IGF2BP2: variants seen among roughly 807,000 people sequenced by gnomAD.
IGF2BP2 encodes insulin like growth factor 2 mRNA binding protein 2.
In IGF2BP2, 17 loss-of-function variants were observed where a neutral mutation model predicts 75.8. That is an observed-to-expected ratio of 0.22 (90% CI 0.15 to 0.34). The LOEUF (loss-of-function observed/expected upper bound fraction) is 0.34. IGF2BP2 is among the 10% of genes least tolerant of loss of function. IGF2BP2 has a pLI of 1.00. For synonymous variants in IGF2BP2, 288 were observed against 295.6 expected (o/e 0.97, Z 0.26); for missense variants, 516 against 772.4 (o/e 0.67, Z 3.93).
At chr3:185,818,342 T>C (rs1362327522) in intron 2 of IGF2BP2, among the ~76,000 whole-genome samples, 1 of 152,196 alleles carries the variant, frequency 6.6e-6, no homozygotes, top group African/African-American at 2.4e-5. Flanking sequence ...GCATGCTCAC[T>C]GTAAAACCTA....
chr3:185,805,599 G>GA (rs924668526), intron 2 of IGF2BP2, among the ~76,000 whole-genome samples: 1 of 151,860 alleles, frequency 6.6e-6, no homozygotes, highest in Non-Finnish European at 1.5e-5. Flanking sequence ...GGAAAACTGA[G>GA]AAAAAAATAC....
chr3:185,813,923 TGA>T (rs1740256136), intron 2 of IGF2BP2: 1 of 152,296 alleles, frequency 6.6e-6, no homozygotes, highest in South Asian at 2.1e-4. Flanking sequence ...GTGGCCGGTG[TGA>T]GGCCTTAGAG....
At chr3:185,800,669 G>A (rs1374067197) in intron 2 of IGF2BP2, among the ~76,000 whole-genome samples, 4 of 147,008 alleles carry the variant, frequency 2.7e-5, no homozygotes, top group Non-Finnish European at 3.0e-5. Context: ...CCCAGGAGGC[G>A]GAGGTTGCAG....
rs897068981 is a variant in IGF2BP2, at chr3:185,647,191, G to A, written c.1594-53C>T. Reference sequence around the variant, plus strand: ...GGATAGGTTCCCTCCCCGTCAACGTGGTGGGCTCAGGACGGAGTGAGGGGC... The same window carrying A: ...GGATAGGTTCCCTCCCCGTCAACGTAGTGGGCTCAGGACGGAGTGAGGGGC... On this transcript the variant is annotated intron_variant, in intron 14 of 15. Coordinates refer to ENST00000382199, the MANE Select transcript of IGF2BP2 (RefSeq NM_006548.6). The surrounding 1 kb of genome is among the most constrained non-coding windows in gnomAD (Gnocchi z 4.9). 1.5e-5 allele frequency: 20 copies of A among 1,292,590 alleles called. No individual in the cohort carries two copies. In the African/African-American group the frequency reaches 2.8e-4, roughly 18 times the overall value. The allele number at this position is 1,292,590 out of a possible 1,614,324, so 80.1% of individuals were successfully genotyped here.
At chr3:185,689,254 C>G in intron 6 of IGF2BP2, 101 bp downstream of exon 6, 1 of 1,220,802 alleles carries the variant, frequency 8.2e-7, no homozygotes, top group Non-Finnish European at 1.2e-6. Flanking sequence ...GCACAGCCCC[C>G]CACTGCTGAT....
intron 2 of IGF2BP2, among the ~76,000 whole-genome samples, chr3:185,817,643 G>A (rs1740784378): frequency 6.6e-6 from 1 of 152,160 alleles, no homozygotes; most frequent in African/African-American, 2.4e-5. Context: ...AAGTTTGTAA[G>A]CATGAAGTCA....
intron 7 of IGF2BP2, among the ~76,000 whole-genome samples, chr3:185,677,073 A>AGAGAGAGG (rs1719656274): frequency 1.2e-5 from 1 of 80,738 alleles, no homozygotes; most frequent in African/African-American, 4.2e-5. Context: ...ATATATAGAG[A>AGAGAGAGG]GAGAGAGAGA....
At chr3:185,811,811 A>ACGGTG (rs1483187359) in intron 2 of IGF2BP2, among the ~76,000 whole-genome samples, 1 of 142,992 alleles carries the variant, frequency 7.0e-6, no homozygotes, top group African/African-American at 2.5e-5. Context: ...ATGGCAGGGG[A>ACGGTG]CGGTGCTCAG....
At chr3:185,781,766 T>C (rs1735229299) in intron 2 of IGF2BP2, among the ~76,000 whole-genome samples, 1 of 152,024 alleles carries the variant, frequency 6.6e-6, no homozygotes, top group African/African-American at 2.4e-5. Context: ...AAAAGTTGGG[T>C]CATAAGTTGT....
intron 2 of IGF2BP2, among the ~76,000 whole-genome samples, chr3:185,784,340 G>A (rs1275846563): frequency 3.3e-5 from 5 of 152,082 alleles, no homozygotes; most frequent in East Asian, 1.9e-4. Context: ...CCATCCCCTC[G>A]GGCATCCTGC....
chr3:185,650,016 T>C (rs1714306544), intron 13 of IGF2BP2, among the ~76,000 whole-genome samples: 1 of 152,130 alleles, frequency 6.6e-6, no homozygotes, highest in Non-Finnish European at 1.5e-5. Context: ...AAAAAATTTC[T>C]AATGGAGAAC....
chr3:185,767,708 A>G (rs750019890), intron 2 of IGF2BP2: 5 of 154,166 alleles, frequency 3.2e-5, no homozygotes, highest in Non-Finnish European at 5.9e-5. Context: ...GGCTGCTGAA[A>G]TGAGGAATAC....
At chr3:185,684,975 A>C (rs892763210) in intron 7 of IGF2BP2, among the ~76,000 whole-genome samples, 2 of 152,190 alleles carry the variant, frequency 1.3e-5, no homozygotes, top group Non-Finnish European at 2.9e-5. Flanking sequence ...TCTACATGAA[A>C]ACATAAAAGC....
At chr3:185,757,357 A>G (rs1731751433) in intron 2 of IGF2BP2, among the ~76,000 whole-genome samples, 1 of 152,218 alleles carries the variant, frequency 6.6e-6, no homozygotes, top group Admixed American at 6.5e-5. Flanking sequence ...AAATGGTGAA[A>G]AAAACTCCAC....
At chr3:185,750,538 C>T (rs571793035) in intron 2 of IGF2BP2, among the ~76,000 whole-genome samples, 2 of 152,284 alleles carry the variant, frequency 1.3e-5, no homozygotes, top group East Asian at 1.9e-4. Context: ...GGCTATCATG[C>T]CTGGTCCTTG....
At chr3:185,756,582 A>T (rs1578204489) in intron 2 of IGF2BP2, among the ~76,000 whole-genome samples, 1 of 151,876 alleles carries the variant, frequency 6.6e-6, no homozygotes, top group East Asian at 1.9e-4. Flanking sequence ...ATTACCCAAC[A>T]CCTAAACATA....
intron 12 of IGF2BP2, among the ~76,000 whole-genome samples, chr3:185,655,522 G>C (rs1715290172): frequency 6.6e-6 from 1 of 152,254 alleles, no homozygotes; most frequent in Non-Finnish European, 1.5e-5. Context: ...GGAAGTAGAA[G>C]GTTGCTGGAA....
At chr3:185,804,420 G>A (rs1216349349) in intron 2 of IGF2BP2, among the ~76,000 whole-genome samples, 4 of 146,926 alleles carry the variant, frequency 2.7e-5, no homozygotes, top group East Asian at 2.0e-4. Flanking sequence ...CGACAAGAGC[G>A]AGACTTTGTC....
chr3:185,691,166 T>C (rs1721903862), intron 5 of IGF2BP2, among the ~76,000 whole-genome samples: 4 of 152,204 alleles, frequency 2.6e-5, no homozygotes, highest in Admixed American at 2.0e-4. Context: ...TGGCGCGATC[T>C]CAGCTCACTG....
Sources: allele counts gnomAD v4.1 joint callset (sites outside exome capture counted in the v4.1 genomes callset), GRCh38; gene constraint gnomAD v4.1.1; non-coding constraint Gnocchi (gnomAD v3.1); transcripts MANE v1.5; gene names NCBI Gene and HGNC (gene_info 2026-07-23, HGNC 2026-07-21).